KIAA0825: variants seen among roughly 807,000 people sequenced by gnomAD.
KIAA0825 encodes KIAA0825.
In KIAA0825, 119 loss-of-function variants were observed where a neutral mutation model predicts 147.6. The observed-to-expected ratio is 0.81, with a 90% CI of 0.69 to 0.94. KIAA0825 has a LOEUF of 0.94. Ranked by LOEUF, KIAA0825 falls within the 40% of genes least tolerant of loss-of-function variation. KIAA0825 has a pLI of 0.00. For missense variants in KIAA0825, 1,381 were observed against 1,472.7 expected (o/e 0.94, Z 1.02); for synonymous variants, 470 against 518.1 (o/e 0.91, Z 1.26).
intron 2 of KIAA0825, chr5:94,569,534 A>G (rs1779473459): frequency 2.4e-6 from 1 of 410,206 alleles, no homozygotes; most frequent in Non-Finnish European, 4.5e-6. Flanking sequence ...AACTACAAGA[A>G]CACTAATGAC....
chr5:94,359,315 G>A (rs1263275791), intron 20 of KIAA0825, among the ~76,000 whole-genome samples: 2 of 152,038 alleles, frequency 1.3e-5, no homozygotes, highest in African/African-American at 4.8e-5. Context: ...AAGTACCATA[G>A]GTTTATATAA....
intron 20 of KIAA0825, among the ~76,000 whole-genome samples, chr5:94,221,691 G>A (rs1163632486): frequency 6.6e-6 from 1 of 152,162 alleles, no homozygotes; most frequent in African/African-American, 2.4e-5. Flanking sequence ...GAGCTTTCAA[G>A]ATTTCAAGAT....
chr5:94,477,151 T>C lies in KIAA0825; in HGVS notation c.1187A>G (p.Glu396Gly), dbSNP rs969227472. Residue 396 changes from glutamate to glycine, a missense_variant, in exon 7 of 21, where the codon GAA becomes GGA. By Grantham distance (98) the Glu-to-Gly change is moderately conservative. Transcript: ENST00000682413. ...TGATTGCTCGGAAGGAATATTGGTT[T>C]CGTTTGCTCTAGGTTTTTCCATTAC... ...EVVMEKPRANETNIPSEQSLP... is the reference protein window; with the variant it reads ...EVVMEKPRANGTNIPSEQSLP... 7 of 1,550,768 alleles carry C rather than the reference T, an allele frequency of 4.5e-6. No homozygotes were observed. The highest frequency in any genetic ancestry group is 2.7e-5 in the African/African-American group (2 of 72,866).
chr5:94,425,888 G>T (rs1239567776), intron 14 of KIAA0825, among the ~76,000 whole-genome samples: 1 of 151,848 alleles, frequency 6.6e-6, no homozygotes, highest in Non-Finnish European at 1.5e-5. Flanking sequence ...TTCATATGTT[G>T]ATCATTTGTA....
At chr5:94,575,642 C>T (rs1194119403) in intron 2 of KIAA0825, among the ~76,000 whole-genome samples, 1 of 152,204 alleles carries the variant, frequency 6.6e-6, no homozygotes. Flanking sequence ...CAATAAAAAT[C>T]AGCGTGGAAG....
chr5:94,197,935 GT>G (rs1417244629), intron 20 of KIAA0825, among the ~76,000 whole-genome samples: 3 of 152,082 alleles, frequency 2.0e-5, no homozygotes, highest in African/African-American at 7.2e-5. Context: ...TTTGCTGAGG[GT>G]TGCTTTGGCT....
intron 20 of KIAA0825, among the ~76,000 whole-genome samples, chr5:94,377,247 T>C (rs1747715762): frequency 6.6e-6 from 1 of 152,226 alleles, no homozygotes; most frequent in African/African-American, 2.4e-5. Flanking sequence ...TGCCATCATA[T>C]TTAATTGTGT....
At chr5:94,565,853 T>C (rs1251841757) in intron 2 of KIAA0825, among the ~76,000 whole-genome samples, 1 of 152,216 alleles carries the variant, frequency 6.6e-6, no homozygotes, top group Non-Finnish European at 1.5e-5. Flanking sequence ...CTAATTAACA[T>C]ATCCATTGCC....
intron 20 of KIAA0825, among the ~76,000 whole-genome samples, chr5:94,182,577 T>C (rs1432372634): frequency 6.6e-6 from 1 of 151,960 alleles, no homozygotes; most frequent in East Asian, 1.9e-4. Context: ...TCCCTTCTTA[T>C]GCCAAGTTTT....
chr5:94,447,022 C>T (rs1200884669), intron 13 of KIAA0825, among the ~76,000 whole-genome samples: 1 of 152,066 alleles, frequency 6.6e-6, no homozygotes. Flanking sequence ...CCTCCTAAGT[C>T]TAAGTCTCTG....
At chr5:94,488,162 C>T (rs1763286336) in intron 5 of KIAA0825, among the ~76,000 whole-genome samples, 1 of 152,208 alleles carries the variant, frequency 6.6e-6, no homozygotes, top group Non-Finnish European at 1.5e-5. Context: ...TCCCAGAGTG[C>T]TGCGATTACA....
Position 94,346,876 on chromosome 5 carries a change from C to T in KIAA0825, c.3710+37492G>A, listed in dbSNP as rs183786363. On this transcript the variant is annotated intron_variant, in intron 20 of 20. Transcript: ENST00000682413. ...CTCCACAGGTGGGGGACGAACCAAG[C>T]CCTTTTTTTTCCACAACTTGGAGGC... 2.1e-3 allele frequency among the ~76,000 whole-genome samples: 315 copies of T among 152,284 alleles called. 1 individual carries two copies. The highest frequency in any genetic ancestry group is 3.6e-3 in the Non-Finnish European group (245 of 68,038).
Position 94,289,204 on chromosome 5 carries a change from A to G in KIAA0825, c.3710+95164T>C, listed in dbSNP as rs541022869. On this transcript the variant is annotated intron_variant, in intron 20 of 20. Transcript: ENST00000682413. ...TTGTTTGCTAAAAATAATACTACAGAAGACAGAAGAGTTTTCATTATTTCT... is the reference window on the plus strand; with the variant it reads ...TTGTTTGCTAAAAATAATACTACAGGAGACAGAAGAGTTTTCATTATTTCT... 3.9e-5 allele frequency among the ~76,000 whole-genome samples: 6 copies of G among 152,284 alleles called. No individual in the cohort carries two copies. The South Asian group carries it at 1.2e-3, about 32-fold the overall frequency.
intron 20 of KIAA0825, among the ~76,000 whole-genome samples, chr5:94,209,080 G>A (rs1772464408): frequency 6.6e-6 from 1 of 152,218 alleles, no homozygotes; most frequent in African/African-American, 2.4e-5. Flanking sequence ...CCCATGTGGG[G>A]CTTGGAAAGG....
At chr5:94,595,557 AC>A (rs1785148445) in intron 1 of KIAA0825, among the ~76,000 whole-genome samples, 1 of 152,042 alleles carries the variant, frequency 6.6e-6, no homozygotes. Context: ...TCTTTGACAT[AC>A]CCTGGAGACA....
chr5:94,307,288 C>A (rs947201076), intron 20 of KIAA0825, among the ~76,000 whole-genome samples: 1 of 151,776 alleles, frequency 6.6e-6, no homozygotes, highest in African/African-American at 2.4e-5. Context: ...TTCCCTTGTG[C>A]CTGACAGGCT....
chr5:94,168,494 G>T (rs181633129), intron 20 of KIAA0825, among the ~76,000 whole-genome samples: 1 of 152,240 alleles, frequency 6.6e-6, no homozygotes, highest in Admixed American at 6.5e-5. Context: ...AGACAAATAA[G>T]AATGCTAACA....
At chr5:94,500,140 T>C (rs1363777507) in intron 5 of KIAA0825, among the ~76,000 whole-genome samples, 3 of 152,050 alleles carry the variant, frequency 2.0e-5, no homozygotes, top group East Asian at 1.9e-4. Flanking sequence ...GACTAGAGAA[T>C]GCAGGTGCTA....
At chr5:94,184,417 A>G (rs1769936005) in intron 20 of KIAA0825, among the ~76,000 whole-genome samples, 1 of 152,130 alleles carries the variant, frequency 6.6e-6, no homozygotes, top group East Asian at 1.9e-4. Context: ...ATGCATTCTC[A>G]CTCTGAAAAG....
Sources: gnomAD v4.1 joint callset for allele counts (sites outside exome capture counted in the v4.1 genomes callset) on GRCh38, gnomAD v4.1.1 for gene constraint, MANE v1.5 for transcripts, NCBI Gene and HGNC (gene_info 2026-07-23, HGNC 2026-07-21) for gene names.